CHST11: variants seen among roughly 807,000 people sequenced by gnomAD.
CHST11 encodes C4S-1.
Under a neutral mutation model 30.4 loss-of-function variants are expected in CHST11, and 9 were observed. The observed-to-expected ratio is 0.30, with a 90% confidence interval of 0.18 to 0.52. The LOEUF (loss-of-function observed/expected upper bound fraction) is 0.52, where lower values mean the gene tolerates loss of function less well. CHST11 is among the 20% of genes least tolerant of loss of function. The pLI is 0.97. For synonymous variants in CHST11, 152 were observed against 187.8 expected (o/e 0.81, Z 1.56); for missense variants, 348 against 460.6 (o/e 0.76, Z 2.24).
rs2040504759 is a variant in CHST11 at position 104,759,207 on chromosome 12, A to T, written c.*1404A>T. On this transcript the variant is annotated 3_prime_UTR_variant, in exon 3 of 3. Transcript: ENST00000303694. ...ATGCACACCCTCTCACGTCCTCCAG[A>T]GGCTGAAAGACTATCAGCATCTTGG... 6.6e-6 allele frequency: 1 copy of T among 152,206 alleles called. No individual in the cohort carries two copies. The highest frequency in any genetic ancestry group is 2.4e-5 in the African/African-American group (1 of 41,462). The allele number at this position is 152,206 out of a possible 1,614,324, so 9.4% of individuals were successfully genotyped here.
chr12:104,616,852 A>C (rs966183900), intron 2 of CHST11, among the ~76,000 whole-genome samples: 6 of 152,136 alleles, frequency 3.9e-5, no homozygotes, highest in Admixed American at 3.9e-4. Context: ...AGAAGAAGCA[A>C]CCCTCAAGTA....
intron 2 of CHST11, among the ~76,000 whole-genome samples, chr12:104,694,097 T>C (rs2039922849): frequency 6.6e-6 from 1 of 152,230 alleles, no homozygotes; most frequent in African/African-American, 2.4e-5. Flanking sequence ...TCTCAAAGTT[T>C]GTGGTCTTAC....
At chr12:104,503,101 T>C (rs530010089) in intron 1 of CHST11, among the ~76,000 whole-genome samples, 35 of 152,314 alleles carry the variant, frequency 2.3e-4, no homozygotes, top group Admixed American at 4.6e-4. Flanking sequence ...AAGGTGCTCA[T>C]TACAAGAGAG....
At chr12:104,461,303 A>G (rs1174133693) in intron 1 of CHST11, among the ~76,000 whole-genome samples, 3 of 152,248 alleles carry the variant, frequency 2.0e-5, no homozygotes, top group Admixed American at 1.3e-4. Flanking sequence ...AAATCCATCC[A>G]TAGAACAGAC....
chr12:104,704,584 A>G (rs1405739761), intron 2 of CHST11, among the ~76,000 whole-genome samples: 1 of 152,074 alleles, frequency 6.6e-6, no homozygotes, highest in Non-Finnish European at 1.5e-5. Flanking sequence ...TAGCCAGAAG[A>G]GTCTGAGAAT....
intron 1 of CHST11, among the ~76,000 whole-genome samples, chr12:104,595,308 G>A (rs1476779364): frequency 6.6e-6 from 1 of 152,136 alleles, no homozygotes; most frequent in African/African-American, 2.4e-5. Context: ...CTGGTGGATT[G>A]TAACCAGGTA....
intron 1 of CHST11, among the ~76,000 whole-genome samples, chr12:104,469,098 A>G (rs375196749): frequency 2.6e-5 from 4 of 152,310 alleles, no homozygotes; most frequent in African/African-American, 9.6e-5. Context: ...GTTCTATTTA[A>G]TTCTGTTTGA....
At chr12:104,567,163 C>T (rs149824375) in intron 1 of CHST11, among the ~76,000 whole-genome samples, 1 of 152,274 alleles carries the variant, frequency 6.6e-6, no homozygotes, top group East Asian at 1.9e-4. Context: ...ATCCCTTACG[C>T]TTGCCAGTTT....
chr12:104,708,861 G>T (rs1425910732), intron 2 of CHST11, among the ~76,000 whole-genome samples: 1 of 152,216 alleles, frequency 6.6e-6, no homozygotes. Flanking sequence ...GGCCCCTCGG[G>T]TGCCCCAGTG....
chr12:104,492,784 A>T (rs1393443970), intron 1 of CHST11, among the ~76,000 whole-genome samples: 1 of 152,216 alleles, frequency 6.6e-6, no homozygotes, highest in Non-Finnish European at 1.5e-5. Context: ...CTGTAATCCT[A>T]GCATTTTGGG....
intron 1 of CHST11, among the ~76,000 whole-genome samples, chr12:104,465,824 A>G (rs2037451704): frequency 6.6e-6 from 1 of 152,032 alleles, no homozygotes; most frequent in Non-Finnish European, 1.5e-5. Flanking sequence ...GCTGTGTTTC[A>G]GGGCAGGAAA....
intron 1 of CHST11, among the ~76,000 whole-genome samples, chr12:104,530,790 C>G (rs753551560): frequency 6.6e-6 from 1 of 152,194 alleles, no homozygotes; most frequent in Non-Finnish European, 1.5e-5. Context: ...ATGATAAGTT[C>G]AAAATCTGTG....
intron 2 of CHST11, among the ~76,000 whole-genome samples, chr12:104,709,137 CA>C (rs1331460511): frequency 2.6e-5 from 4 of 152,222 alleles, no homozygotes; most frequent in African/African-American, 7.2e-5. Context: ...AAAGAAACTG[CA>C]AAACAAAGAA....
intron 1 of CHST11, among the ~76,000 whole-genome samples, chr12:104,491,375 C>T (rs1373070338): frequency 6.6e-6 from 1 of 152,096 alleles, no homozygotes; most frequent in Admixed American, 6.5e-5. Context: ...CCCTGTGCCC[C>T]CCATGATCTA....
intron 2 of CHST11, among the ~76,000 whole-genome samples, chr12:104,686,270 G>C (rs1208643665): frequency 6.8e-6 from 1 of 147,616 alleles, no homozygotes; most frequent in African/African-American, 2.5e-5. Flanking sequence ...TGATTCATAG[G>C]GTTGACCTGA....
intron 2 of CHST11, among the ~76,000 whole-genome samples, chr12:104,669,065 C>A (rs185198949): frequency 7.9e-5 from 12 of 152,338 alleles, no homozygotes; most frequent in African/African-American, 2.6e-4. Context: ...CCCCCAGGCA[C>A]TGAGGAAGTC....
At chr12:104,475,834 A>G (rs2037555253) in intron 1 of CHST11, among the ~76,000 whole-genome samples, 1 of 144,976 alleles carries the variant, frequency 6.9e-6, no homozygotes. Flanking sequence ...AAAATAGACC[A>G]GAAGGTCAAG....
chr12:104,503,038 C>G (rs2037867560), intron 1 of CHST11, among the ~76,000 whole-genome samples: 1 of 152,186 alleles, frequency 6.6e-6, no homozygotes, highest in South Asian at 2.1e-4. Flanking sequence ...GTAGCAAAGT[C>G]TTACATAATA....
At chr12:104,608,976 A>G (rs2039032892) in intron 2 of CHST11, among the ~76,000 whole-genome samples, 1 of 152,202 alleles carries the variant, frequency 6.6e-6, no homozygotes, top group Admixed American at 6.5e-5. Context: ...GAAAACTCAG[A>G]CTTGCTCCAG....
Sources: gnomAD v4.1 joint callset for allele counts (sites outside exome capture counted in the v4.1 genomes callset) on GRCh38, gnomAD v4.1.1 for gene constraint, MANE v1.5 for transcripts, NCBI Gene and HGNC (gene_info 2026-07-23, HGNC 2026-07-21) for gene names.